Variants in ZC3H12B observed in about 807,000 individuals in gnomAD.
The protein encoded by ZC3H12B is zinc finger CCCH-type containing 12B, also known as probable ribonuclease ZC3H12B.
ZC3H12B carries 7 observed loss-of-function variants against 43.9 expected under a neutral mutation model. The ratio of observed to expected loss-of-function variants is 0.16; its 90% confidence interval spans 0.09 to 0.30. The LOEUF (loss-of-function observed/expected upper bound fraction) is 0.30. Ranked by LOEUF, ZC3H12B falls within the 10% of genes least tolerant of loss-of-function variation. The pLI is 1.00. For synonymous variants in ZC3H12B, 222 were observed against 241.7 expected (o/e 0.92, Z 0.76); for missense variants, 475 against 670.2 (o/e 0.71, Z 3.22).
At chrX:65,226,779 CAAAG>C in the ZC3H12B span, among the ~76,000 whole-genome samples, 6 of 111,006 alleles carry the variant, frequency 5.4e-5, no homozygotes, top group Non-Finnish European at 7.5e-5. Flanking sequence ...TCAAAAGAGA[CAAAG>C]AAGACCATTA....
rs1219463277 is a variant in ZC3H12B, at chrX:65,493,390, GA to G, written c.609-3732del. ...AGAGTGAGACTCAGTCTGAAAAAAA[GA>G]AAAAAAAAATTTATGATGCTTCGTT... On this transcript the variant is annotated intron_variant, in intron 1 of 4. Transcript: ENST00000338957. Among the ~76,000 whole-genome samples, 14 of 108,031 alleles carry G rather than the reference GA, an allele frequency of 1.3e-4. 1 individual carries two copies. In the South Asian group the frequency reaches 1.6e-3, roughly 12 times the overall value. The allele number at this position is 108,031 out of a possible 115,157, so 93.8% of individuals were successfully genotyped here.
At chrX:65,378,629 G>A (rs1170326072) in intron 2 of ZC3H12B, among the ~76,000 whole-genome samples, 2 of 112,328 alleles carry the variant, frequency 1.8e-5, no homozygotes, top group Non-Finnish European at 3.8e-5. Context: ...AATAGGAACA[G>A]CTCCAGTCTA....
At chrX:65,347,569 T>G in the ZC3H12B span, among the ~76,000 whole-genome samples, 1 of 111,721 alleles carries the variant, frequency 9.0e-6, no homozygotes, top group African/African-American at 3.3e-5. Flanking sequence ...TGGTGATCAT[T>G]AAAAAGTCAG....
At chrX:65,070,377 A>G in the ZC3H12B span, among the ~76,000 whole-genome samples, 2 of 108,691 alleles carry the variant, frequency 1.8e-5, no homozygotes, top group East Asian at 2.9e-4. Flanking sequence ...AGTTTTTTCA[A>G]CTTTTGGGAT....
chrX:65,382,404 C>G (rs1252685839), intron 2 of ZC3H12B, among the ~76,000 whole-genome samples: 3 of 110,597 alleles, frequency 2.7e-5, no homozygotes, highest in Admixed American at 9.7e-5. Context: ...ATTCAACAAC[C>G]CTTCATGCTA....
the ZC3H12B span, among the ~76,000 whole-genome samples, chrX:65,205,784 A>G: frequency 2.7e-5 from 3 of 111,629 alleles, no homozygotes; most frequent in Admixed American, 9.6e-5. Flanking sequence ...AGACTCATCC[A>G]AAAAGCTCCT....
the ZC3H12B span, among the ~76,000 whole-genome samples, chrX:65,349,111 T>A: frequency 8.9e-6 from 1 of 111,834 alleles, no homozygotes; most frequent in African/African-American, 3.3e-5. Flanking sequence ...ATTGACCACG[T>A]AATTGAAAGT....
At chrX:65,463,326 T>G (rs899679231) in intron 3 of ZC3H12B, among the ~76,000 whole-genome samples, 2 of 112,200 alleles carry the variant, frequency 1.8e-5, no homozygotes, top group African/African-American at 6.5e-5. Flanking sequence ...ATTTGTAGAT[T>G]GCTTTTGGCA....
the ZC3H12B span, among the ~76,000 whole-genome samples, chrX:65,306,753 C>A: frequency 9.0e-6 from 1 of 111,593 alleles, no homozygotes; most frequent in Non-Finnish European, 1.9e-5. Flanking sequence ...ATAGCAGCTC[C>A]AAAAAGGAAA....
At chrX:65,205,204 A>G in the ZC3H12B span, among the ~76,000 whole-genome samples, 3 of 111,942 alleles carry the variant, frequency 2.7e-5, no homozygotes, top group African/African-American at 9.7e-5. Context: ...CCGGATTATC[A>G]TTAACATTCT....
the ZC3H12B span, chrX:65,186,239 T>A: frequency 9.0e-6 from 1 of 110,873 alleles, no homozygotes; most frequent in Non-Finnish European, 1.9e-5. Flanking sequence ...ACACCTGTAA[T>A]CCAGCACTTT....
the ZC3H12B span, among the ~76,000 whole-genome samples, chrX:65,216,969 C>T: frequency 9.0e-6 from 1 of 111,369 alleles, no homozygotes; most frequent in Non-Finnish European, 1.9e-5. Flanking sequence ...CAGCCACAGG[C>T]CTTAGACTGG....
chrX:65,317,293 G>T, the ZC3H12B span, among the ~76,000 whole-genome samples: 2 of 109,799 alleles, frequency 1.8e-5, no homozygotes, highest in Non-Finnish European at 3.8e-5. Flanking sequence ...ACGGTCTTGG[G>T]CAGGAGTGCA....
chrX:65,266,879 A>G, the ZC3H12B span, among the ~76,000 whole-genome samples: 1 of 110,822 alleles, frequency 9.0e-6, no homozygotes, highest in Non-Finnish European at 1.9e-5. Context: ...ACAGCACACC[A>G]GGGCAAGGGA....
At chrX:65,349,432 C>T in the ZC3H12B span, among the ~76,000 whole-genome samples, 1 of 111,604 alleles carries the variant, frequency 9.0e-6, no homozygotes, top group East Asian at 2.8e-4. Flanking sequence ...AAATTTGACA[C>T]GCTAACATCA....
At chrX:65,407,163 A>C (rs2066839592) in intron 3 of ZC3H12B, among the ~76,000 whole-genome samples, 1 of 112,998 alleles carries the variant, frequency 8.8e-6, no homozygotes, top group Non-Finnish European at 1.9e-5. Context: ...GAGGAAGAAA[A>C]GAAAGAAGAC....
chrX:65,154,526 G>A, the ZC3H12B span, among the ~76,000 whole-genome samples: 1 of 111,876 alleles, frequency 8.9e-6, no homozygotes. Flanking sequence ...TATAATAACA[G>A]TTTTGTTTAT....
At chrX:65,078,843 C>A in the ZC3H12B span, among the ~76,000 whole-genome samples, 1 of 111,825 alleles carries the variant, frequency 8.9e-6, no homozygotes, top group Non-Finnish European at 1.9e-5. Context: ...GTCATCCATA[C>A]CCTCAAGCAT....
the ZC3H12B span, among the ~76,000 whole-genome samples, chrX:65,281,626 C>A: frequency 8.9e-6 from 1 of 112,239 alleles, no homozygotes; most frequent in African/African-American, 3.2e-5. Context: ...TCATATGCAG[C>A]AGAACGAAAC....
Sources: gnomAD v4.1 joint callset for allele counts (sites outside exome capture counted in the v4.1 genomes callset) on GRCh38, gnomAD v4.1.1 for gene constraint, MANE v1.5 for transcripts, NCBI Gene and HGNC (gene_info 2026-07-23, HGNC 2026-07-21) for gene names.